The following MAN1A1 variants were observed in gnomAD, a reference collection of about 807,000 sequenced individuals.
The protein encoded by MAN1A1 is mannosyl-oligosaccharide 1,2-alpha-mannosidase IA.
MAN1A1 carries 29 observed loss-of-function variants against 70.8 expected under a neutral mutation model. That is an observed-to-expected ratio of 0.41 (90% CI 0.31 to 0.56). MAN1A1 has a LOEUF of 0.56. Among genes scored for constraint, MAN1A1 ranks in the 20% least tolerant of loss-of-function variants. The pLI is 0.29. For synonymous variants in MAN1A1, 349 were observed against 330.1 expected, an observed-to-expected ratio of 1.06 and a Z score of -0.62; for missense variants, 747 against 841.3, an observed-to-expected ratio of 0.89 and a Z score of 1.39.
At chr6:119,215,764 G>A (rs1325912433) in intron 6 of MAN1A1, among the ~76,000 whole-genome samples, 1 of 152,174 alleles carries the variant, frequency 6.6e-6, no homozygotes, top group Admixed American at 6.5e-5. Context: ...GGGGAAAACA[G>A]ATATTCTTAG....
At chr6:119,190,772 G>A (rs956379748) in intron 9 of MAN1A1, among the ~76,000 whole-genome samples, 5 of 152,116 alleles carry the variant, frequency 3.3e-5, no homozygotes, top group South Asian at 2.1e-4. Context: ...CAGGTCTGTT[G>A]ATATTCTCTT....
rs1045053114 is a variant in MAN1A1, at chr6:119,292,340, A to C, written c.817-1577T>G. On this transcript the variant is annotated intron_variant, in intron 4 of 12. Coordinates refer to ENST00000368468, the MANE Select transcript of MAN1A1 (RefSeq NM_005907.4). ...CACTAATAATCATGGGACTCACAGC[A>C]ATTTATAATATATGGAGTCAATATC... Among the ~76,000 whole-genome samples, 3 of 151,976 alleles carry C rather than the reference A, an allele frequency of 2.0e-5. 1 individual carries two copies. Among genetic ancestry groups the C allele is most frequent in the Admixed American group, 2.0e-4 (3 of 15,220 alleles).
At chr6:119,334,714 C>G (rs559081189) in intron 2 of MAN1A1, among the ~76,000 whole-genome samples, 1 of 152,308 alleles carries the variant, frequency 6.6e-6, no homozygotes, top group South Asian at 2.1e-4. Context: ...TGCAGCAGCT[C>G]TAATAATCAA....
At chr6:119,232,696 T>C (rs992810939) in intron 6 of MAN1A1, among the ~76,000 whole-genome samples, 3 of 146,462 alleles carry the variant, frequency 2.0e-5, no homozygotes, top group African/African-American at 7.6e-5. Context: ...TGTGTGTGTG[T>C]GTGTGTGTGT....
intron 5 of MAN1A1, among the ~76,000 whole-genome samples, chr6:119,270,338 T>C (rs560209963): frequency 6.6e-6 from 1 of 152,226 alleles, no homozygotes; most frequent in South Asian, 2.1e-4. Context: ...ATGCTCATAT[T>C]AATATTTTCA....
At chr6:119,193,658 C>T (rs1310376814) in intron 9 of MAN1A1, 119 bp downstream of exon 9, 1 of 585,402 alleles carries the variant, frequency 1.7e-6, no homozygotes, top group Non-Finnish European at 3.0e-6. Flanking sequence ...CGAACTCTAC[C>T]TAATTGGAAA....
chr6:119,233,673 A>C (rs1231692937), intron 6 of MAN1A1, among the ~76,000 whole-genome samples: 1 of 152,214 alleles, frequency 6.6e-6, no homozygotes, highest in African/African-American at 2.4e-5. Context: ...AAGCAAGAAA[A>C]AAGGCTTTCT....
chr6:119,185,625 C>T (rs955986192), intron 11 of MAN1A1, among the ~76,000 whole-genome samples: 34 of 152,078 alleles, frequency 2.2e-4, no homozygotes, highest in African/African-American at 7.7e-4. Context: ...CCCTCAGGTT[C>T]GAGTGCAGTG....
chr6:119,326,400 GT>G (rs1773148393), intron 2 of MAN1A1, among the ~76,000 whole-genome samples: 1 of 152,216 alleles, frequency 6.6e-6, no homozygotes, highest in South Asian at 2.1e-4. Flanking sequence ...ACAGACAATA[GT>G]GGTCCAGAAC....
chr6:119,315,241 T>C (rs181257881), intron 2 of MAN1A1, among the ~76,000 whole-genome samples: 2 of 152,334 alleles, frequency 1.3e-5, no homozygotes, highest in Admixed American at 6.5e-5. Flanking sequence ...TGGCAGGAGA[T>C]ATATAAAGAA....
intron 8 of MAN1A1, among the ~76,000 whole-genome samples, chr6:119,195,390 TTC>T (rs1351286255): frequency 6.6e-6 from 1 of 152,180 alleles, no homozygotes; most frequent in African/African-American, 2.4e-5. Flanking sequence ...ATAGGCCTTG[TTC>T]TCTCTGCCTG....
chr6:119,196,214 A>AT (rs1325101043), intron 8 of MAN1A1, among the ~76,000 whole-genome samples: 3 of 151,910 alleles, frequency 2.0e-5, no homozygotes, highest in Non-Finnish European at 4.4e-5. Context: ...GCAGCTGGGG[A>AT]TTTTTTTTAA....
intron 2 of MAN1A1, among the ~76,000 whole-genome samples, chr6:119,344,410 T>C (rs1044780120): frequency 6.6e-6 from 1 of 152,234 alleles, no homozygotes; most frequent in Non-Finnish European, 1.5e-5. Context: ...TGTTGAAAAC[T>C]AACCTACTTG....
intron 2 of MAN1A1, among the ~76,000 whole-genome samples, chr6:119,308,526 A>G (rs921295884): frequency 6.6e-6 from 1 of 152,288 alleles, no homozygotes. Flanking sequence ...AAAATTTGGG[A>G]TAATTCCTTA....
At chr6:119,337,308 T>C (rs2114502563) in intron 2 of MAN1A1, among the ~76,000 whole-genome samples, 1 of 152,226 alleles carries the variant, frequency 6.6e-6, no homozygotes, top group East Asian at 1.9e-4. Flanking sequence ...CCCATGAGTA[T>C]ATACATTAGA....
intron 8 of MAN1A1, 76 bp downstream of exon 8, chr6:119,201,178 G>A: frequency 1.9e-6 from 2 of 1,056,102 alleles, no homozygotes; most frequent in Non-Finnish European, 1.5e-6. Flanking sequence ...CAAAATCTGT[G>A]CTGCTTTTGT....
Position 119,225,617 on chromosome 6 carries a change from A to T in MAN1A1, c.993-20735T>A, listed in dbSNP as rs1005037290. 2.7e-4 allele frequency among the ~76,000 whole-genome samples: 41 copies of T among 152,330 alleles called. 1 individual carries two copies. Among genetic ancestry groups the T allele is most frequent in the Middle Eastern group, 3.4e-3 (1 of 294 alleles). On this transcript the variant is annotated intron_variant, in intron 6 of 12. Coordinates refer to ENST00000368468, the MANE Select transcript of MAN1A1 (RefSeq NM_005907.4). The stretch of plus-strand genomic sequence containing the variant: ...CTCAAACTTCTGATAGCCAAAGATA[A>T]TGAGAAAATCTTGAAAGTACCCAGA...
intron 6 of MAN1A1, among the ~76,000 whole-genome samples, chr6:119,207,224 T>C (rs927708802): frequency 6.6e-6 from 1 of 151,996 alleles, no homozygotes; most frequent in Admixed American, 6.6e-5. Flanking sequence ...AGAAGGAAAA[T>C]GGTACTCTTT....
At chr6:119,234,935 CTT>C (rs768621374) in intron 6 of MAN1A1, among the ~76,000 whole-genome samples, 13 of 152,244 alleles carry the variant, frequency 8.5e-5, no homozygotes, top group Admixed American at 2.6e-4. Context: ...ACATTACAGA[CTT>C]TGTCATTATG....
Sources: gnomAD v4.1 joint callset for allele counts (sites outside exome capture counted in the v4.1 genomes callset) on GRCh38, gnomAD v4.1.1 for gene constraint, MANE v1.5 for transcripts, NCBI Gene and HGNC (gene_info 2026-07-23, HGNC 2026-07-21) for gene names.